Variants in FARS2 observed in about 807,000 individuals in gnomAD.
The protein encoded by FARS2 is phenylalanyl-tRNA synthetase 2, mitochondrial.
Under a neutral mutation model 46.4 loss-of-function variants are expected in FARS2, and 40 were observed. The observed-to-expected ratio is 0.86, with a 90% confidence interval of 0.67 to 1.12. FARS2 has a LOEUF of 1.12. Ranked by LOEUF, FARS2 falls within the 50% of genes most tolerant of loss-of-function variation. The pLI is 0.00. For synonymous variants in FARS2, 234 were observed against 214.9 expected (o/e 1.09, Z -0.78); for missense variants, 513 against 567.9 (o/e 0.90, Z 0.98).
At chr6:5,724,027 A>C (rs1369748167) in intron 6 of FARS2, among the ~76,000 whole-genome samples, 1 of 152,130 alleles carries the variant, frequency 6.6e-6, no homozygotes, top group Non-Finnish European at 1.5e-5. Context: ...GCTCGGCGGG[A>C]AAGGAAGGGC....
the FARS2 span, among the ~76,000 whole-genome samples, chr6:5,254,310 T>C: frequency 0.82 from 124,801 of 152,210 alleles, 51,785 homozygotes; most frequent in African/African-American, 0.95. Context: ...CAACTTTTTG[T>C]AGGGAAAACG....
chr6:5,607,624 C>T (rs1774918091), intron 5 of FARS2, among the ~76,000 whole-genome samples: 1 of 152,082 alleles, frequency 6.6e-6, no homozygotes, highest in African/African-American at 2.4e-5. Context: ...CCACTGAGGT[C>T]TGATGTTTTA....
intron 4 of FARS2, among the ~76,000 whole-genome samples, chr6:5,478,642 C>T (rs1047044634): frequency 5.3e-5 from 8 of 151,858 alleles, no homozygotes; most frequent in African/African-American, 1.5e-4. Flanking sequence ...TCTCTCACAT[C>T]GACTGAGTGC....
intron 1 of FARS2, among the ~76,000 whole-genome samples, chr6:5,321,344 C>T (rs911106280): frequency 2.0e-5 from 3 of 152,142 alleles, no homozygotes; most frequent in Admixed American, 6.5e-5. Flanking sequence ...TGTTCTTGCA[C>T]TGTTTGTAGA....
chr6:5,602,520 ACCTG>A (rs1441990411), intron 5 of FARS2, among the ~76,000 whole-genome samples: 18 of 151,874 alleles, frequency 1.2e-4, no homozygotes, highest in Non-Finnish European at 2.1e-4. Context: ...GGTGGTGGCC[ACCTG>A]CAGTCCCAGC....
intron 5 of FARS2, among the ~76,000 whole-genome samples, chr6:5,591,862 T>G (rs540060336): frequency 6.6e-5 from 10 of 152,362 alleles, no homozygotes; most frequent in African/African-American, 2.4e-4. Flanking sequence ...ATTTAACCCA[T>G]ACTTACTTCC....
chr6:5,610,024 A>G lies in FARS2; in HGVS notation c.1066-3145A>G, dbSNP rs1271261996. ...CTCCTCCGCAGTGGCATAGTGACAA[A>G]CCCAAAGCCCCTGGAGCAATTGGTG... On this transcript the variant is annotated intron_variant, in intron 5 of 6. Transcript: ENST00000274680. 2.0e-5 allele frequency: 20 copies of G among 978,610 alleles called. No individual in the cohort carries two copies. In the Admixed American group the frequency reaches 3.4e-4, roughly 17 times the overall value. 60.6% of individuals were successfully genotyped at this position (978,610 alleles called of 1,614,324 possible). A position where few individuals can be genotyped will look rare whatever the true frequency, so the allele number is the denominator to read the frequency against.
At chr6:5,636,185 A>T (rs943103502) in intron 6 of FARS2, among the ~76,000 whole-genome samples, 1 of 152,194 alleles carries the variant, frequency 6.6e-6, no homozygotes, top group Non-Finnish European at 1.5e-5. Flanking sequence ...AACACTGGTT[A>T]TTGCTAACAA....
At chr6:5,398,647 G>T (rs1445540423) in intron 2 of FARS2, among the ~76,000 whole-genome samples, 1 of 152,056 alleles carries the variant, frequency 6.6e-6, no homozygotes, top group Non-Finnish European at 1.5e-5. Context: ...TTACTTGTAG[G>T]CCCCCTCTAG....
chr6:5,275,828 A>C (rs80162572), intron 1 of FARS2, among the ~76,000 whole-genome samples: 9,036 of 151,358 alleles, frequency 0.06, 300 homozygotes, highest in Middle Eastern at 0.14. Context: ...ACATCCTGTC[A>C]GTTCCTTCAG....
chr6:5,539,384 G>GTATATATATATATATA (rs1554106819), intron 4 of FARS2, among the ~76,000 whole-genome samples: 2,597 of 79,470 alleles, frequency 0.033, 243 homozygotes, highest in African/African-American at 0.11. Context: ...TTTTTTTTGT[G>GTATATATATATATATA]TATATATATA....
At chr6:5,539,987 T>C (rs1582396700) in intron 4 of FARS2, among the ~76,000 whole-genome samples, 1 of 152,284 alleles carries the variant, frequency 6.6e-6, no homozygotes, top group East Asian at 1.9e-4. Context: ...CTCTGAGACA[T>C]ATTACAGTGG....
rs143375555 is a variant in FARS2 at position 5,286,928 on chromosome 6, G to A, written c.-22+25268G>A. 1.1e-4 allele frequency among the ~76,000 whole-genome samples: 17 copies of A among 152,330 alleles called. No homozygotes were observed. The South Asian group carries it at 1.4e-3, about 13-fold the overall frequency. ...CCGGGGCATGTTCGCCTCTGAACCC[G>A]TAGTGCAGAAAGCCTGACCTCATCA... On this transcript the variant is annotated intron_variant, in intron 1 of 6. Coordinates refer to ENST00000274680, the MANE Select transcript of FARS2 (RefSeq NM_006567.5).
At chr6:5,566,616 T>A (rs544083314) in intron 5 of FARS2, among the ~76,000 whole-genome samples, 37 of 152,272 alleles carry the variant, frequency 2.4e-4, no homozygotes, top group African/African-American at 8.9e-4. Flanking sequence ...GAAAAATAAT[T>A]CAGTTAACTG....
intron 4 of FARS2, among the ~76,000 whole-genome samples, chr6:5,436,202 G>A (rs1442746833): frequency 2.0e-5 from 3 of 152,194 alleles, no homozygotes; most frequent in African/African-American, 4.8e-5. Flanking sequence ...ATATTGATGC[G>A]ATAGATATTT....
chr6:5,303,209 C>T (rs550754895), intron 1 of FARS2, among the ~76,000 whole-genome samples: 1 of 152,062 alleles, frequency 6.6e-6, no homozygotes, highest in African/African-American at 2.4e-5. Flanking sequence ...GGCAGGGACT[C>T]AGTGGGGAAG....
intron 1 of FARS2, among the ~76,000 whole-genome samples, chr6:5,292,777 C>T (rs1767594457): frequency 6.6e-6 from 1 of 151,986 alleles, no homozygotes; most frequent in African/African-American, 2.4e-5. Context: ...GCAATTCAAG[C>T]CTATTATATT....
intron 2 of FARS2, among the ~76,000 whole-genome samples, chr6:5,389,785 C>T (rs994748557): frequency 2.0e-5 from 3 of 152,154 alleles, no homozygotes; most frequent in African/African-American, 7.2e-5. Flanking sequence ...TGATTTTCCT[C>T]TCTGAAACAA....
At chr6:5,573,690 C>T (rs778796208) in intron 5 of FARS2, among the ~76,000 whole-genome samples, 4 of 152,170 alleles carry the variant, frequency 2.6e-5, no homozygotes, top group Admixed American at 6.5e-5. Context: ...AACAAACCTC[C>T]GACAACGTTT....
Sources: allele counts gnomAD v4.1 joint callset (sites outside exome capture counted in the v4.1 genomes callset), GRCh38; gene constraint gnomAD v4.1.1; transcripts MANE v1.5; gene names NCBI Gene and HGNC (gene_info 2026-07-23, HGNC 2026-07-21).